GMEB2: variants seen among roughly 807,000 people sequenced by gnomAD.
GMEB2 encodes the protein glucocorticoid modulatory element-binding protein 2.
Under a neutral mutation model 45.7 loss-of-function variants are expected in GMEB2, and 7 were observed. That is an observed-to-expected ratio of 0.15 (90% confidence interval 0.09 to 0.29). The LOEUF is 0.29. GMEB2 is among the 10% of genes least tolerant of loss of function. The probability of loss-of-function intolerance (pLI) is 1.00; values close to 1 mark genes in which losing one functional copy is unlikely to be tolerated. For missense variants in GMEB2, 582 were observed against 739.2 expected, an observed-to-expected ratio of 0.79 and a Z score of 2.47; for synonymous variants, 322 against 323.6, an observed-to-expected ratio of 1.00 and a Z score of 0.05.
intron 4 of GMEB2, among the ~76,000 whole-genome samples, chr20:63,600,710 T>G (rs2083235592): frequency 1.3e-5 from 1 of 78,448 alleles, no homozygotes; most frequent in Non-Finnish European, 2.4e-5. Flanking sequence ...AGAGGAAGAC[T>G]CCATCTCAAA....
At chr20:63,596,742 G>T (rs748154951) in intron 5 of GMEB2, among the ~76,000 whole-genome samples, 3 of 152,270 alleles carry the variant, frequency 2.0e-5, no homozygotes, top group Non-Finnish European at 4.4e-5. Context: ...TGAAGGCCGG[G>T]CACGGTGGCT....
At chr20:63,598,343 GAC>G (rs67747559) in intron 4 of GMEB2, among the ~76,000 whole-genome samples, 24,491 of 146,032 alleles carry the variant, frequency 0.17, 2,653 homozygotes, top group East Asian at 0.46. Flanking sequence ...CTCTCACTCT[GAC>G]ACACACACAC....
chr20:63,602,364 G>C (rs1477902701), intron 4 of GMEB2, among the ~76,000 whole-genome samples: 1 of 152,128 alleles, frequency 6.6e-6, no homozygotes, highest in African/African-American at 2.4e-5. Flanking sequence ...CACCCAGCAC[G>C]CACACCTCAA....
intron 9 of GMEB2, among the ~76,000 whole-genome samples, chr20:63,591,711 C>T (rs953833636): frequency 2.6e-5 from 4 of 152,184 alleles, no homozygotes; most frequent in African/African-American, 9.7e-5. Context: ...GTGATCCGCC[C>T]GCCTCGGCCT....
At chr20:63,618,396 G>A (rs1167489689) in intron 2 of GMEB2, among the ~76,000 whole-genome samples, 1 of 152,072 alleles carries the variant, frequency 6.6e-6, no homozygotes, top group Non-Finnish European at 1.5e-5. Flanking sequence ...TCAAAGCCTC[G>A]GGTCCAACAA....
intron 2 of GMEB2, among the ~76,000 whole-genome samples, chr20:63,616,280 C>T (rs1347813845): frequency 6.6e-6 from 1 of 152,008 alleles, no homozygotes; most frequent in East Asian, 1.9e-4. Flanking sequence ...CCCGTCTCTA[C>T]TAAATATACA....
chr20:63,622,269 C>A (rs920628083), intron 1 of GMEB2, among the ~76,000 whole-genome samples: 1 of 152,212 alleles, frequency 6.6e-6, no homozygotes, highest in African/African-American at 2.4e-5. Context: ...AGGAGTGGGT[C>A]CACCCCAACC....
chr20:63,602,635 T>C (rs1285421323), intron 4 of GMEB2, among the ~76,000 whole-genome samples: 2 of 152,166 alleles, frequency 1.3e-5, no homozygotes, highest in African/African-American at 4.8e-5. Flanking sequence ...CCTATCAGTA[T>C]TGTCAGAAAG....
intron 2 of GMEB2, among the ~76,000 whole-genome samples, chr20:63,606,685 G>T (rs1266953663): frequency 6.6e-6 from 1 of 152,166 alleles, no homozygotes; most frequent in Non-Finnish European, 1.5e-5. Context: ...GAACTTGGTG[G>T]CAAAATGCTT....
intron 3 of GMEB2, among the ~76,000 whole-genome samples, chr20:63,603,502 A>G (rs565445840): frequency 1.1e-4 from 16 of 151,392 alleles, no homozygotes; most frequent in Non-Finnish European, 1.9e-4. Context: ...AGGCCGAGGC[A>G]GGCGGATCAC....
At chr20:63,590,913 C>CG (rs1170640294) in intron 9 of GMEB2, among the ~76,000 whole-genome samples, 184 bp from the exon 10 acceptor site, 1 of 152,118 alleles carries the variant, frequency 6.6e-6, no homozygotes, top group East Asian at 1.9e-4. Context: ...CTGTGGGAGA[C>CG]GGGGCCCAAG....
intron 2 of GMEB2, among the ~76,000 whole-genome samples, chr20:63,618,933 A>T (rs1283319868): frequency 6.6e-6 from 1 of 152,166 alleles, no homozygotes; most frequent in Non-Finnish European, 1.5e-5. Flanking sequence ...CTGTCAAGAA[A>T]ATCACTGACT....
chr20:63,591,336 GAACA>G (rs1184577018), intron 9 of GMEB2, among the ~76,000 whole-genome samples: 1 of 120,880 alleles, frequency 8.3e-6, no homozygotes, highest in African/African-American at 4.1e-5. Context: ...AACACGCAGT[GAACA>G]CACACACACT....
intron 3 of GMEB2, among the ~76,000 whole-genome samples, chr20:63,603,961 G>A (rs1006777799): frequency 6.6e-6 from 1 of 151,918 alleles, no homozygotes. Flanking sequence ...GGCTGAGGCA[G>A]GAGAAGTGCT....
At chr20:63,611,778 G>C (rs1009886723) in intron 2 of GMEB2, among the ~76,000 whole-genome samples, 1 of 152,178 alleles carries the variant, frequency 6.6e-6, no homozygotes, top group East Asian at 1.9e-4. Context: ...AGTGCTTCGG[G>C]AGGCTGAGGT....
Position 63,619,372 on chromosome 20 carries a change from T to G in GMEB2, c.26A>C (p.His9Pro). 6.2e-7 allele frequency: 1 copy of G among 1,612,580 alleles called. No homozygotes were observed. The highest frequency in any genetic ancestry group is 8.5e-7 in the Non-Finnish European group (1 of 1,179,894). MATPDVSV[H>P]MEEVVVVTTP... ...TGTCACAACCACCACCTCCTCCATGTGCACACTCACGTCGGGAGTCGCCAT... is the reference window on the plus strand; with the variant it reads ...TGTCACAACCACCACCTCCTCCATGGGCACACTCACGTCGGGAGTCGCCAT... The change falls in exon 2 of 10, where the codon CAC (histidine) becomes CCC (proline). Residue 9 changes from histidine to proline, a missense_variant. Physicochemically the swap from His to Pro is moderately conservative, Grantham distance 77. Coordinates refer to ENST00000370077, the MANE Select transcript of GMEB2 (RefSeq NM_012384.5). The surrounding 1 kb of genome is among the most constrained non-coding windows in gnomAD (Gnocchi z 4.6).
intron 4 of GMEB2, among the ~76,000 whole-genome samples, chr20:63,601,243 T>G (rs889028933): frequency 6.6e-6 from 1 of 152,210 alleles, no homozygotes; most frequent in Non-Finnish European, 1.5e-5. Context: ...CCACCCTACA[T>G]GCAGGCAGTG....
intron 2 of GMEB2, among the ~76,000 whole-genome samples, chr20:63,609,822 C>T: frequency 8.3e-6 from 1 of 121,078 alleles, no homozygotes. Context: ...CCCCTCTGAC[C>T]CACACCTCCA....
chr20:63,600,579 ATGG>A, intron 4 of GMEB2, among the ~76,000 whole-genome samples: 1 of 151,760 alleles, frequency 6.6e-6, no homozygotes, highest in East Asian at 2.0e-4. Flanking sequence ...TCAGCCAGGC[ATGG>A]TGGTGGGTGC....
Sources: allele counts gnomAD v4.1 joint callset (sites outside exome capture counted in the v4.1 genomes callset), GRCh38; gene constraint gnomAD v4.1.1; non-coding constraint Gnocchi (gnomAD v3.1); transcripts MANE v1.5; gene names NCBI Gene and HGNC (gene_info 2026-07-23, HGNC 2026-07-21).